Variants in PRLR observed in about 807,000 individuals in gnomAD.
The protein encoded by PRLR is prolactin receptor, also known as hPRL receptor.
In PRLR, 13 loss-of-function variants were observed where a neutral mutation model predicts 40.2. The ratio of observed to expected loss-of-function variants is 0.32; its 90% CI spans 0.21 to 0.51. The LOEUF (loss-of-function observed/expected upper bound fraction) is 0.51. Among genes scored for constraint, PRLR ranks in the 20% least tolerant of loss-of-function variants. PRLR has a pLI of 0.97. For missense variants in PRLR, 656 were observed against 747.3 expected, an observed-to-expected ratio of 0.88 and a Z score of 1.42; for synonymous variants, 269 against 278.7, an observed-to-expected ratio of 0.97 and a Z score of 0.35.
intron 1 of PRLR, among the ~76,000 whole-genome samples, chr5:35,144,975 A>G (rs1042538041): frequency 4.6e-5 from 7 of 152,166 alleles, no homozygotes; most frequent in Admixed American, 2.0e-4. Flanking sequence ...TCAAATTACC[A>G]TATGCATATT....
chr5:35,160,130 C>T (rs1774633261), intron 1 of PRLR, among the ~76,000 whole-genome samples: 1 of 152,170 alleles, frequency 6.6e-6, no homozygotes, highest in Non-Finnish European at 1.5e-5. Context: ...TGCTCTGGAC[C>T]AAATCCAGTC....
chr5:35,084,457 T>G lies in PRLR; in HGVS notation c.373+13A>C. The G allele has an allele frequency of 6.5e-7, 1 of 1,544,690 alleles. No homozygotes were observed. Among genetic ancestry groups the G allele is most frequent in the South Asian group, 1.3e-5 (1 of 78,702 alleles). Reference sequence around the variant, plus strand: ...GGAGTAAGAAATTCCTCACCCACTTTCCTTCCCCTTACCTATGTAAGTCAC... The same window carrying G: ...GGAGTAAGAAATTCCTCACCCACTTGCCTTCCCCTTACCTATGTAAGTCAC... On this transcript the variant is annotated intron_variant, in intron 5 of 9. Coordinates refer to ENST00000618457, the MANE Select transcript of PRLR (RefSeq NM_000949.7).
chr5:35,137,319 C>CT (rs1554050919), intron 1 of PRLR, among the ~76,000 whole-genome samples: 1 of 151,866 alleles, frequency 6.6e-6, no homozygotes, highest in Non-Finnish European at 1.5e-5. Context: ...CTTTTTAAGA[C>CT]TTTTTTTTAA....
At chr5:35,132,317 G>A (rs1773716167) in intron 1 of PRLR, among the ~76,000 whole-genome samples, 1 of 151,870 alleles carries the variant, frequency 6.6e-6, no homozygotes, top group African/African-American at 2.4e-5. Context: ...GCATACTCTA[G>A]GCTCCTGACC....
chr5:35,096,839 T>TGAACTCCTGGTCTC (rs1020926445), intron 2 of PRLR, among the ~76,000 whole-genome samples: 2 of 152,092 alleles, frequency 1.3e-5, no homozygotes, highest in African/African-American at 4.8e-5. Context: ...AGGCTGGTCT[T>TGAACTCCTGGTCTC]GAACTCCTGG....
chr5:35,145,407 T>C (rs568954587), intron 1 of PRLR, among the ~76,000 whole-genome samples: 38 of 152,312 alleles, frequency 2.5e-4, no homozygotes, highest in African/African-American at 8.9e-4. Flanking sequence ...ACTTCTTTCC[T>C]TTCCAGCTAA....
intron 1 of PRLR, among the ~76,000 whole-genome samples, chr5:35,207,084 T>A (rs949193720): frequency 2.6e-5 from 4 of 152,124 alleles, no homozygotes; most frequent in Non-Finnish European, 5.9e-5. Context: ...AACACACTTT[T>A]AAAAATGTTA....
chr5:35,068,128 T>C (rs1769492167), intron 9 of PRLR, 88 bp downstream of exon 9: 2 of 1,255,416 alleles, frequency 1.6e-6, no homozygotes, highest in African/African-American at 3.0e-5. Context: ...ACTACCAGGC[T>C]GAACTGACGG....
rs148433698 is a variant in PRLR, at chr5:35,203,014, A to T, written c.-106+27254T>A. On this transcript the variant is annotated intron_variant, in intron 1 of 9. Transcript: ENST00000618457. ...CCCCCCATTGGCCTTGTTCTTAGAC[A>T]GGTTGTAAATCCCTGAAGACTTCTC... 9.8e-4 allele frequency among the ~76,000 whole-genome samples: 149 copies of T among 152,292 alleles called. 1 individual carries two copies. Among genetic ancestry groups the T allele is most frequent in the African/African-American group, 3.2e-3 (134 of 41,574 alleles).
intron 1 of PRLR, among the ~76,000 whole-genome samples, chr5:35,170,340 T>G (rs1774963762): frequency 6.6e-6 from 1 of 152,154 alleles, no homozygotes; most frequent in South Asian, 2.1e-4. Flanking sequence ...CTGGAGTTAG[T>G]GGACAGTCAA....
intron 1 of PRLR, among the ~76,000 whole-genome samples, chr5:35,191,781 G>A (rs1404495387): frequency 1.3e-5 from 2 of 152,188 alleles, no homozygotes; most frequent in Non-Finnish European, 2.9e-5. Flanking sequence ...TGGATACAGA[G>A]ATTTGGCTCT....
chr5:35,140,255 T>C (rs1031489006), intron 1 of PRLR, among the ~76,000 whole-genome samples: 2 of 152,200 alleles, frequency 1.3e-5, no homozygotes, highest in African/African-American at 4.8e-5. Context: ...ATGTAATAAA[T>C]GAAGAAAAAG....
At chr5:35,184,908 C>T (rs182359747) in intron 1 of PRLR, among the ~76,000 whole-genome samples, 1 of 152,226 alleles carries the variant, frequency 6.6e-6, no homozygotes, top group Non-Finnish European at 1.5e-5. Flanking sequence ...AAATGCTCAA[C>T]AAATATAGGT....
At chr5:35,076,067 T>G (rs1045982658) in intron 5 of PRLR, among the ~76,000 whole-genome samples, 1 of 152,140 alleles carries the variant, frequency 6.6e-6, no homozygotes, top group African/African-American at 2.4e-5. Context: ...CAAAGGTAGA[T>G]AAAACCACAA....
intron 1 of PRLR, among the ~76,000 whole-genome samples, chr5:35,189,981 C>T (rs557194179): frequency 6.6e-6 from 1 of 152,232 alleles, no homozygotes; most frequent in African/African-American, 2.4e-5. Flanking sequence ...GCACAGGAGC[C>T]TCCCTGTTTA....
At chr5:35,159,090 G>C (rs1579745758) in intron 1 of PRLR, among the ~76,000 whole-genome samples, 1 of 152,136 alleles carries the variant, frequency 6.6e-6, no homozygotes, top group African/African-American at 2.4e-5. Flanking sequence ...GTGATTGAGT[G>C]GGGTGTCATG....
Position 35,106,192 on chromosome 5 carries a change from C to T in PRLR, c.-44+11869G>A, listed in dbSNP as rs192944991. 2.6e-5 allele frequency among the ~76,000 whole-genome samples: 4 copies of T among 152,238 alleles called. No homozygotes were observed. In the East Asian group the frequency reaches 7.7e-4, roughly 29 times the overall value. On this transcript the variant is annotated intron_variant, in intron 2 of 9. Transcript: ENST00000618457. ...AGCAAGTGCTGAGAGATTTTGTCAC[C>T]ACCAGGCCTGCCTTACAAGAGCTCC...
At chr5:35,085,192 C>T (rs61105471) in intron 4 of PRLR, among the ~76,000 whole-genome samples, 1,913 of 152,300 alleles carry the variant, frequency 0.013, 41 homozygotes, top group African/African-American at 0.044. Context: ...GCCCACGTGG[C>T]TCAGTAGGCT....
At chr5:35,129,791 C>T (rs1057342613) in intron 1 of PRLR, among the ~76,000 whole-genome samples, 1 of 151,922 alleles carries the variant, frequency 6.6e-6, no homozygotes, top group Non-Finnish European at 1.5e-5. Flanking sequence ...CCTAAAAGTG[C>T]CAAGCAGTAG....
Sources: allele counts gnomAD v4.1 joint callset (sites outside exome capture counted in the v4.1 genomes callset), GRCh38; gene constraint gnomAD v4.1.1; transcripts MANE v1.5; gene names NCBI Gene and HGNC (gene_info 2026-07-23, HGNC 2026-07-21).